GRK1: variants seen among roughly 807,000 people sequenced by gnomAD.
GRK1 encodes the protein rhodopsin kinase GRK1.
In GRK1, 28 loss-of-function variants were observed where a neutral mutation model predicts 41.7. That is an observed-to-expected ratio of 0.67 (90% CI 0.50 to 0.92). The LOEUF (loss-of-function observed/expected upper bound fraction) is 0.92, where lower values mean the gene tolerates loss of function less well. Among genes scored for constraint, GRK1 ranks in the 40% least tolerant of loss-of-function variants. GRK1 has a pLI of 0.00. For synonymous variants in GRK1, 327 were observed against 286.7 expected, an observed-to-expected ratio of 1.14 and a Z score of -1.42; for missense variants, 703 against 671.2, an observed-to-expected ratio of 1.05 and a Z score of -0.52.
At chr13:113,733,936 A>G (rs557863162) in intron 6 of GRK1, among the ~76,000 whole-genome samples, 1,217 of 98,902 alleles carry the variant, frequency 0.012, 83 homozygotes, top group African/African-American at 0.05. Flanking sequence ...ATGTGTGCAT[A>G]CGTGTGTGCG....
At chr13:113,723,808 GCCTGTGTGCC>G (rs1404487110) in intron 4 of GRK1, among the ~76,000 whole-genome samples, 2 of 151,420 alleles carry the variant, frequency 1.3e-5, no homozygotes, top group Admixed American at 6.6e-5. Context: ...CTGCATGTGT[GCCTGTGTGCC>G]CATGCCTGTG....
intron 4 of GRK1, 44 bp downstream of exon 4, chr13:113,723,201 C>T (rs2049867464): frequency 1.5e-6 from 1 of 686,102 alleles, no homozygotes. Flanking sequence ...GCATGGGTTA[C>T]GTCCCTGTGT....
the GRK1 span, among the ~76,000 whole-genome samples, chr13:113,659,202 C>G: frequency 0.67 from 101,469 of 152,156 alleles, 34,359 homozygotes; most frequent in African/African-American, 0.78. Context: ...CCGGCTCAGA[C>G]GCTTTGCTGT....
At chr13:113,733,718 T>C (rs1286846774) in intron 6 of GRK1, among the ~76,000 whole-genome samples, 19 of 126,588 alleles carry the variant, frequency 1.5e-4, no homozygotes, top group African/African-American at 5.8e-4. Context: ...TGTGCGCACG[T>C]GTGTGTGCGC....
Position 113,735,341 on chromosome 13 carries a change from C to T in GRK1, c.1670C>T (p.Ser557Leu). The T allele has an allele frequency of 1.3e-6, 2 of 1,515,976 alleles. No individual in the cohort carries two copies. The highest frequency in any genetic ancestry group is 1.4e-5 in the African/African-American group (1 of 72,628). 93.9% of individuals were successfully genotyped at this position (1,515,976 alleles called of 1,614,324 possible). A position where few individuals can be genotyped will look rare whatever the true frequency, so the allele number is the denominator to read the frequency against. Reference sequence around the variant, plus strand: ...GGGGGCTCCAGCTCCTCGTCCAAGTCAGGGATGTGTCTGGTTTCCTAGGTG... The same window carrying T: ...GGGGGCTCCAGCTCCTCGTCCAAGTTAGGGATGTGTCTGGTTTCCTAGGTG... The part of the protein sequence containing the change: ...ISGGSSSSSK[S>L]GMCLVS The change falls in exon 7 of 7, where the codon TCA (serine) becomes TTA (leucine). Residue 557 changes from serine to leucine, a missense_variant. Physicochemically the swap from Ser to Leu is moderately radical, Grantham distance 145. Coordinates refer to ENST00000335678, the MANE Select transcript of GRK1 (RefSeq NM_002929.3).
chr13:113,657,347 C>G, the GRK1 span, among the ~76,000 whole-genome samples: 8 of 152,238 alleles, frequency 5.3e-5, no homozygotes, highest in Non-Finnish European at 2.9e-5. Context: ...GGTGCTTCCT[C>G]CAGACTCTCT....
At chr13:113,733,179 G>A in intron 6 of GRK1, 94 bp downstream of exon 6, 1 of 1,299,770 alleles carries the variant, frequency 7.7e-7, no homozygotes, top group Non-Finnish European at 1.0e-6. Flanking sequence ...AGTCGGCAGG[G>A]AGGAGTGCCT....
intron 6 of GRK1, among the ~76,000 whole-genome samples, chr13:113,733,949 TGTGTGCATAC>T (rs1203992063): frequency 6.7e-6 from 1 of 148,726 alleles, no homozygotes; most frequent in Admixed American, 6.7e-5. Context: ...TGTGTGCGTG[TGTGTGCATAC>T]GTGTGTGTGC....
chr13:113,665,881 G>A (rs2049814897), upstream of GRK1, among the ~76,000 whole-genome samples: 1 of 148,528 alleles, frequency 6.7e-6, no homozygotes. Context: ...ATGTGCCCCA[G>A]GTGTGTCTCA....
upstream of GRK1, among the ~76,000 whole-genome samples, chr13:113,665,074 G>GC (rs542229084): frequency 1.2e-4 from 18 of 152,308 alleles, no homozygotes; most frequent in East Asian, 3.5e-3. Flanking sequence ...GCCAGGTGCA[G>GC]CCCCCAGTGC....
chr13:113,733,643 G>A (rs938208765), intron 6 of GRK1, among the ~76,000 whole-genome samples: 4 of 136,504 alleles, frequency 2.9e-5, no homozygotes, highest in African/African-American at 1.2e-4. Flanking sequence ...GCTCATGTAT[G>A]TGTGCATACG....
At chr13:113,653,357 C>G in the GRK1 span, 5 of 1,614,218 alleles carry the variant, frequency 3.1e-6, no homozygotes, top group Admixed American at 8.3e-5. Context: ...GTGAGGTCTG[C>G]CCAGGTTCTG....
the GRK1 span, among the ~76,000 whole-genome samples, chr13:113,656,277 C>T: frequency 6.6e-6 from 1 of 152,290 alleles, no homozygotes; most frequent in Admixed American, 6.5e-5. Flanking sequence ...CGGGGACCTA[C>T]GCTCGTGACG....
chr13:113,649,664 G>A, the GRK1 span: 1 of 1,071,486 alleles, frequency 9.3e-7, no homozygotes, highest in Non-Finnish European at 1.3e-6. The surrounding 1 kb of genome is among the most constrained non-coding windows in gnomAD (Gnocchi z 4.7). Flanking sequence ...GACTGGCCCT[G>A]ACCGAGTGCA....
upstream of GRK1, among the ~76,000 whole-genome samples, chr13:113,664,685 T>C (rs551794397): frequency 3.1e-4 from 47 of 152,310 alleles, no homozygotes; most frequent in African/African-American, 1.1e-3. The surrounding 1 kb of genome is among the most constrained non-coding windows in gnomAD (Gnocchi z 5.4). Flanking sequence ...CAGCACCACC[T>C]GTGAGCTTGT....
At chr13:113,650,009 G>A in the GRK1 span, among the ~76,000 whole-genome samples, 1 of 151,950 alleles carries the variant, frequency 6.6e-6, no homozygotes, top group Non-Finnish European at 1.5e-5. This position sits in a 1 kb window ranked among gnomAD's most constrained non-coding sequence, Gnocchi z 5.0. Flanking sequence ...TAAAAAATAC[G>A]AAAATTAGCT....
At position 113,731,186 on chromosome 13, in the gene GRK1, C is replaced by A; in HGVS notation, c.1070-33C>A. 1.3e-6 allele frequency: 2 copies of A among 1,532,584 alleles called. No individual in the cohort carries two copies. The highest frequency in any genetic ancestry group is 1.7e-6 in the Non-Finnish European group (2 of 1,143,790). 94.9% of individuals were successfully genotyped at this position (1,532,584 alleles called of 1,614,324 possible). A position where few individuals can be genotyped will look rare whatever the true frequency, so the allele number is the denominator to read the frequency against. On this transcript the variant is annotated intron_variant, in intron 4 of 6. Transcript: ENST00000335678. This position sits in a 1 kb window ranked among gnomAD's most constrained non-coding sequence, Gnocchi z 5.6. ...AGTGCGTGCCCACCATGGAGGTGAC[C>A]ACCTCTGAACCCGCAATGTCCCTTG... is the stretch of plus-strand genomic sequence containing the variant.
At position 113,671,366 on chromosome 13, in the gene GRK1, C is replaced by A. The variant is rs372306740; in HGVS notation, c.828-133C>A. On this transcript the variant is annotated intron_variant, in intron 2 of 6. Coordinates refer to ENST00000335678, the MANE Select transcript of GRK1 (RefSeq NM_002929.3). This position sits in a 1 kb window ranked among gnomAD's most constrained non-coding sequence, Gnocchi z 4.1. ...GGCCTTCGGGTGTCCTCTGCAGGGA[C>A]GTAGGGGGGCCAGGCCTCAAAACGA... The A allele has an allele frequency of 1.0e-5, 7 of 687,348 alleles. No homozygotes were observed. Among genetic ancestry groups the A allele is most frequent in the Non-Finnish European group, 1.9e-5 (7 of 377,322 alleles). 42.6% of individuals were successfully genotyped at this position (687,348 alleles called of 1,614,324 possible). A position where few individuals can be genotyped will look rare whatever the true frequency, so the allele number is the denominator to read the frequency against.
chr13:113,728,467 T>TGATGAGGAGTACCCATGGC (rs1337734023), intron 4 of GRK1, among the ~76,000 whole-genome samples: 4 of 127,368 alleles, frequency 3.1e-5, no homozygotes, highest in African/African-American at 6.2e-5. Context: ...GTACCCATGG[T>TGATGAGGAGTACCCATGGC]GATGAGGAGT....
Sources: gnomAD v4.1 joint callset for allele counts (sites outside exome capture counted in the v4.1 genomes callset) on GRCh38, gnomAD v4.1.1 for gene constraint, Gnocchi (gnomAD v3.1) non-coding constraint, MANE v1.5 for transcripts, NCBI Gene and HGNC (gene_info 2026-07-23, HGNC 2026-07-21) for gene names.